TBK1: variants seen among roughly 807,000 people sequenced by gnomAD.
TBK1 encodes serine/threonine-protein kinase TBK1.
Under a neutral mutation model 99.9 loss-of-function variants are expected in TBK1, and 37 were observed. That is an observed-to-expected ratio of 0.37 (90% confidence interval 0.28 to 0.49). The LOEUF (loss-of-function observed/expected upper bound fraction) is 0.49, where lower values mean the gene tolerates loss of function less well. TBK1 is among the 20% of genes least tolerant of loss of function. The probability of loss-of-function intolerance (pLI) is 0.98; values close to 1 mark genes in which losing one functional copy is unlikely to be tolerated. For missense variants in TBK1, 644 were observed against 872.5 expected (o/e 0.74, Z 3.30); for synonymous variants, 258 against 279.8 (o/e 0.92, Z 0.78).
intron 8 of TBK1, among the ~76,000 whole-genome samples, chr12:64,482,366 A>G (rs2040776231): frequency 6.6e-6 from 1 of 152,218 alleles, no homozygotes; most frequent in Non-Finnish European, 1.5e-5. Context: ...CTGCCATGTT[A>G]AAATATCAAA....
chr12:64,474,429 A>G, intron 6 of TBK1, 39 bp downstream of exon 6: 1 of 1,571,544 alleles, frequency 6.4e-7, no homozygotes, highest in South Asian at 1.2e-5. Flanking sequence ...GAAGCATTTA[A>G]AAAATGATTT....
At position 64,501,537 on chromosome 12, in the gene TBK1, T is replaced by C. The variant is rs1013264075; in HGVS notation, c.*156T>C. The C allele has an allele frequency of 2.8e-6, 2 of 704,586 alleles. No homozygotes were observed. Among genetic ancestry groups the C allele is most frequent in the Non-Finnish European group, 4.4e-6 (2 of 452,816 alleles). The allele number at this position is 704,586 out of a possible 1,614,324, so 43.6% of individuals were successfully genotyped here. ...CAATATTGTAAATACATAAAAAATA[T>C]ACAAATTTTTGGCTGCTGTGAAGAT... On this transcript the variant is annotated 3_prime_UTR_variant, in exon 21 of 21. Transcript: ENST00000331710.
intron 3 of TBK1, 24 bp from the exon 4 acceptor site, chr12:64,464,310 C>G (rs1565813453): frequency 3.4e-6 from 5 of 1,469,582 alleles, no homozygotes; most frequent in Non-Finnish European, 4.5e-6. Context: ...ATGTTGATTC[C>G]CAATCAATGA....
chr12:64,498,105 T>A (rs765209471), intron 20 of TBK1, 66 bp downstream of exon 20: 1 of 1,281,618 alleles, frequency 7.8e-7, no homozygotes, highest in African/African-American at 1.5e-5. Flanking sequence ...TCTGTACTTA[T>A]ATCTTCCTGT....
chr12:64,480,955 T>A (rs890056614), intron 7 of TBK1, among the ~76,000 whole-genome samples: 1 of 152,192 alleles, frequency 6.6e-6, no homozygotes, highest in East Asian at 1.9e-4. Flanking sequence ...ATTTTATATG[T>A]TGGGTTCTGT....
At chr12:64,497,411 GT>G (rs2040939387) in intron 18 of TBK1, 152 bp downstream of exon 18, 1 of 632,210 alleles carries the variant, frequency 1.6e-6, no homozygotes, top group Non-Finnish European at 2.6e-6. Context: ...GAATGTAGAT[GT>G]TTTACAACTA....
intron 1 of TBK1, among the ~76,000 whole-genome samples, chr12:64,455,626 A>G (rs556864094): frequency 5.8e-4 from 88 of 152,338 alleles, no homozygotes; most frequent in Non-Finnish European, 1.2e-3. Context: ...TTGAATCATA[A>G]TGGTTCATAT....
chr12:64,481,832 A>T lies in TBK1; in HGVS notation c.813-10A>T, dbSNP rs1367113268. ...TTCACTCTTCAAGTAACTTTTCAAT[A>T]CTATTTTAGGGGTCTTCAGGTTCTA... is the stretch of plus-strand genomic sequence containing the variant. On this transcript the variant is annotated splice_polypyrimidine_tract_variant and intron_variant, in intron 7 of 20. Transcript: ENST00000331710. The T allele has an allele frequency of 2.6e-6, 4 of 1,527,076 alleles. No individual in the cohort carries two copies. Among genetic ancestry groups the T allele is most frequent in the Non-Finnish European group, 3.5e-6 (4 of 1,140,706 alleles). 94.6% of individuals were successfully genotyped at this position (1,527,076 alleles called of 1,614,324 possible). A position where few individuals can be genotyped will look rare whatever the true frequency, so the allele number is the denominator to read the frequency against.
chr12:64,473,559 T>G (rs1265883422), intron 5 of TBK1, among the ~76,000 whole-genome samples: 3 of 152,128 alleles, frequency 2.0e-5, no homozygotes, highest in Non-Finnish European at 4.4e-5. Flanking sequence ...TATGATAGGC[T>G]CTACAGCACA....
At position 64,498,050 on chromosome 12, in the gene TBK1, CA is replaced by C; in HGVS notation, c.2138+16del. Reference sequence around the variant, plus strand: ...CCACATTTTAGAAAGGTGAGTAATGCAAAAATAATTACTGTGATTTTCTGTG... The same window carrying C: ...CCACATTTTAGAAAGGTGAGTAATGCAAAATAATTACTGTGATTTTCTGTG... On this transcript the variant is annotated intron_variant, in intron 20 of 20. Coordinates refer to ENST00000331710, the MANE Select transcript of TBK1 (RefSeq NM_013254.4). 1.3e-6 allele frequency: 2 copies of C among 1,594,370 alleles called. No homozygotes were observed. The highest frequency in any genetic ancestry group is 1.7e-6 in the Non-Finnish European group (2 of 1,170,262).
At position 64,490,049 on chromosome 12, in the gene TBK1, A is replaced by C. The variant is rs752336723; in HGVS notation, c.1451A>C (p.Lys484Thr). Reference sequence around the variant, plus strand: ...TTTGACTTTTCATACAGATATGAAAAGTTGATGAAGATCAACCTGGAAGCG... The same window carrying C: ...TTTGACTTTTCATACAGATATGAAACGTTGATGAAGATCAACCTGGAAGCG... ...NIEKTVKVYE[K>T]LMKINLEAAE... Residue 484 changes from lysine (K) to threonine (T), a missense_variant, in exon 13 of 21, where the codon AAG (lysine) becomes ACG (threonine). By Grantham distance (78) the Lys-to-Thr change is moderately conservative. Around this residue, in one of 3 missense-constraint regions of TBK1, gnomAD observed 465 missense variants for 588.0 expected, o/e 0.79. Coordinates refer to ENST00000331710, the MANE Select transcript of TBK1 (RefSeq NM_013254.4). The C allele has an allele frequency of 6.2e-7, 1 of 1,607,468 alleles. No individual in the cohort carries two copies. The highest frequency in any genetic ancestry group is 1.7e-5 in the Admixed American group (1 of 59,416).
intron 6 of TBK1, among the ~76,000 whole-genome samples, chr12:64,474,853 C>G (rs1336622004): frequency 1.3e-5 from 2 of 152,194 alleles, no homozygotes; most frequent in African/African-American, 4.8e-5. Context: ...CGTGGTGGCT[C>G]ACGCCTGTAA....
intron 5 of TBK1, among the ~76,000 whole-genome samples, chr12:64,470,582 A>G (rs532884850): frequency 2.6e-5 from 4 of 152,362 alleles, no homozygotes; most frequent in African/African-American, 9.6e-5. Context: ...AAGCTGTACA[A>G]AAATACTTTG....
chr12:64,462,523 T>C (rs1309560880), intron 3 of TBK1, among the ~76,000 whole-genome samples: 1 of 152,144 alleles, frequency 6.6e-6, no homozygotes, highest in Non-Finnish European at 1.5e-5. Flanking sequence ...TATCTCCAGG[T>C]AATGGAATTA....
chr12:64,459,091 T>C (rs1042605020), intron 2 of TBK1, among the ~76,000 whole-genome samples: 5 of 152,054 alleles, frequency 3.3e-5, no homozygotes, highest in African/African-American at 1.2e-4. Flanking sequence ...GAGGAAAGTA[T>C]AAAGAGGGCT....
intron 7 of TBK1, among the ~76,000 whole-genome samples, chr12:64,481,320 T>G (rs1437962480): frequency 1.3e-5 from 2 of 152,186 alleles, no homozygotes; most frequent in Non-Finnish European, 2.9e-5. Flanking sequence ...ACAGGCATTA[T>G]CTATCGAATC....
In TBK1 at chr12:64,484,163, C is replaced by T. The variant is rs138101339; in HGVS notation, c.993-140C>T. On this transcript the variant is annotated intron_variant, in intron 8 of 20. Transcript: ENST00000331710. ...TATGGAATGGAGTTTGTAGTATCCA[C>T]ATTAACAAAGCAAGTTTATATGGAC... The T allele has an allele frequency of 4.6e-3, 2,765 of 599,498 alleles. 60 individuals carry two copies. In the African/African-American group the frequency reaches 0.047, roughly 10 times the overall value. The allele number at this position is 599,498 out of a possible 1,614,324, so 37.1% of individuals were successfully genotyped here.
intron 13 of TBK1, among the ~76,000 whole-genome samples, chr12:64,492,576 G>T (rs543293603): frequency 1.4e-4 from 21 of 152,300 alleles, no homozygotes; most frequent in African/African-American, 4.6e-4. Flanking sequence ...AAAGTGCTGG[G>T]ATTACAGGCA....
chr12:64,457,890 G>A (rs1373650038), intron 2 of TBK1, among the ~76,000 whole-genome samples: 1 of 152,144 alleles, frequency 6.6e-6, no homozygotes, highest in Admixed American at 6.5e-5. Flanking sequence ...AAACAAATAT[G>A]TACTTTACCC....
Sources: allele counts gnomAD v4.1 joint callset (sites outside exome capture counted in the v4.1 genomes callset), GRCh38; gene constraint gnomAD v4.1.1; regional missense constraint gnomAD v4.1.1; transcripts MANE v1.5; gene names NCBI Gene and HGNC (gene_info 2026-07-23, HGNC 2026-07-21).